DEPDC1B: variants seen among roughly 807,000 people sequenced by gnomAD.
DEPDC1B encodes the protein DEP domain containing 1B.
In DEPDC1B, 51 loss-of-function variants were observed where a neutral mutation model predicts 66.5. The observed-to-expected ratio is 0.77, with a 90% CI of 0.61 to 0.97. The LOEUF is 0.97. Ranked by LOEUF, DEPDC1B falls within the 50% of genes least tolerant of loss-of-function variation. The probability of loss-of-function intolerance (pLI) is 0.00; values close to 1 mark genes in which losing one functional copy is unlikely to be tolerated. For synonymous variants in DEPDC1B, 226 were observed against 223.6 expected, an observed-to-expected ratio of 1.01 and a Z score of -0.10; for missense variants, 552 against 637.1, an observed-to-expected ratio of 0.87 and a Z score of 1.44.
At chr5:60,694,676 T>C (rs1368350634) in intron 1 of DEPDC1B, among the ~76,000 whole-genome samples, 2 of 152,234 alleles carry the variant, frequency 1.3e-5, no homozygotes, top group Non-Finnish European at 2.9e-5. Context: ...ATTTGCCATT[T>C]TTCTATTGGG....
intron 7 of DEPDC1B, among the ~76,000 whole-genome samples, chr5:60,625,844 T>G (rs1752799127): frequency 6.6e-6 from 1 of 152,216 alleles, no homozygotes; most frequent in Non-Finnish European, 1.5e-5. Context: ...GTGCTTTGTT[T>G]AGACTAGCTT....
At chr5:60,693,473 C>T (rs1278507558) in intron 1 of DEPDC1B, among the ~76,000 whole-genome samples, 2 of 152,140 alleles carry the variant, frequency 1.3e-5, no homozygotes. Flanking sequence ...GAGATCATGA[C>T]TATAAAAGTC....
chr5:60,607,855 G>A (rs897040333), intron 7 of DEPDC1B, among the ~76,000 whole-genome samples: 13 of 152,138 alleles, frequency 8.5e-5, no homozygotes, highest in Admixed American at 7.9e-4. Context: ...AGTGTGTGAC[G>A]TACAGGAATG....
chr5:60,648,390 T>G (rs189136546), intron 2 of DEPDC1B, among the ~76,000 whole-genome samples: 4 of 152,330 alleles, frequency 2.6e-5, no homozygotes, highest in Admixed American at 2.6e-4. Flanking sequence ...TCTCTAAAAT[T>G]TATTGCTCTT....
chr5:60,649,846 A>G (rs1043812356), intron 2 of DEPDC1B, among the ~76,000 whole-genome samples: 40 of 152,076 alleles, frequency 2.6e-4, no homozygotes, highest in African/African-American at 9.4e-4. Context: ...ATGCTGGTGA[A>G]TAAGATTCTT....
chr5:60,613,020 C>CT (rs2111743973), intron 7 of DEPDC1B, among the ~76,000 whole-genome samples: 1 of 152,296 alleles, frequency 6.6e-6, no homozygotes, highest in South Asian at 2.1e-4. Context: ...AAATGCATTG[C>CT]TTTTTTGTAG....
intron 2 of DEPDC1B, among the ~76,000 whole-genome samples, chr5:60,649,223 G>A (rs1015022565): frequency 1.3e-5 from 2 of 152,078 alleles, no homozygotes; most frequent in African/African-American, 4.8e-5. Context: ...TCAAATGAAG[G>A]AATTAAATTG....
At chr5:60,632,966 T>C (rs969859649) in intron 7 of DEPDC1B, among the ~76,000 whole-genome samples, 1 of 152,230 alleles carries the variant, frequency 6.6e-6, no homozygotes, top group Admixed American at 6.5e-5. Context: ...AGATTCCTTT[T>C]AAAACCTGCA....
intron 1 of DEPDC1B, among the ~76,000 whole-genome samples, chr5:60,698,896 C>T (rs546277418): frequency 6.6e-6 from 1 of 152,102 alleles, no homozygotes; most frequent in Non-Finnish European, 1.5e-5. Flanking sequence ...GAACTCCTGA[C>T]CTCAAGCGAT....
At chr5:60,696,096 G>A (rs370215227) in intron 1 of DEPDC1B, among the ~76,000 whole-genome samples, 7 of 152,220 alleles carry the variant, frequency 4.6e-5, no homozygotes, top group African/African-American at 1.2e-4. Context: ...CGCACCCAGC[G>A]TGAAAATTTC....
At chr5:60,640,159 T>C (rs979809512) in intron 6 of DEPDC1B, among the ~76,000 whole-genome samples, 1 of 152,238 alleles carries the variant, frequency 6.6e-6, no homozygotes, top group African/African-American at 2.4e-5. Context: ...AATATCTATG[T>C]GTGTGGTACA....
chr5:60,685,032 T>A (rs757747788), intron 2 of DEPDC1B, among the ~76,000 whole-genome samples: 3 of 152,198 alleles, frequency 2.0e-5, no homozygotes, highest in Non-Finnish European at 4.4e-5. Context: ...AGATACCATC[T>A]CACTTCAGTT....
chr5:60,659,230 G>C (rs1753649645), intron 2 of DEPDC1B, among the ~76,000 whole-genome samples: 1 of 152,184 alleles, frequency 6.6e-6, no homozygotes, highest in African/African-American at 2.4e-5. Context: ...CTTGAGAGCG[G>C]CCCGTCGCAT....
intron 2 of DEPDC1B, among the ~76,000 whole-genome samples, chr5:60,662,478 G>A (rs111591630): frequency 6.6e-5 from 10 of 152,146 alleles, no homozygotes; most frequent in African/African-American, 2.4e-4. Context: ...TTATAATAGA[G>A]ATCAAGAGGA....
intron 7 of DEPDC1B, among the ~76,000 whole-genome samples, chr5:60,616,714 C>T (rs1365171335): frequency 4.6e-5 from 7 of 152,216 alleles, no homozygotes; most frequent in Admixed American, 4.6e-4. Context: ...AAAAACTCTT[C>T]AGGATATTAT....
At chr5:60,640,239 C>G (rs1753155957) in intron 6 of DEPDC1B, among the ~76,000 whole-genome samples, 1 of 152,176 alleles carries the variant, frequency 6.6e-6, no homozygotes, top group African/African-American at 2.4e-5. Flanking sequence ...CAAGCTTAAT[C>G]AATTAAAATA....
intron 2 of DEPDC1B, among the ~76,000 whole-genome samples, chr5:60,686,035 G>C (rs1003495608): frequency 1.3e-5 from 2 of 152,116 alleles, no homozygotes; most frequent in African/African-American, 2.4e-5. Context: ...ATGCACTCAC[G>C]ACAGACAGTC....
At chr5:60,661,141 G>A (rs1239379334) in intron 2 of DEPDC1B, among the ~76,000 whole-genome samples, 1 of 152,100 alleles carries the variant, frequency 6.6e-6, no homozygotes, top group Non-Finnish European at 1.5e-5. Context: ...ATCTTAATGG[G>A]GCAGCTGGGT....
At chr5:60,689,463 T>G (rs1380469519) in intron 1 of DEPDC1B, among the ~76,000 whole-genome samples, 1 of 152,186 alleles carries the variant, frequency 6.6e-6, no homozygotes, top group Admixed American at 6.5e-5. Flanking sequence ...AATTAAGAAA[T>G]TTACTCAAAT....
Sources: gnomAD v4.1 joint callset for allele counts (sites outside exome capture counted in the v4.1 genomes callset) on GRCh38, gnomAD v4.1.1 for gene constraint, MANE v1.5 for transcripts, NCBI Gene and HGNC (gene_info 2026-07-23, HGNC 2026-07-21) for gene names.